The following ZNF148 variants were observed in gnomAD, a reference collection of about 807,000 sequenced individuals.
ZNF148 encodes the protein zinc finger protein 148.
In ZNF148, 7 loss-of-function variants were observed where a neutral mutation model predicts 67.7. The ratio of observed to expected loss-of-function variants is 0.10; its 90% confidence interval spans 0.06 to 0.19. The LOEUF is 0.19. ZNF148 is among the 10% of genes least tolerant of loss of function. The pLI is 1.00. For missense variants in ZNF148, 583 were observed against 947.1 expected, an observed-to-expected ratio of 0.62 and a Z score of 5.05; for synonymous variants, 333 against 330.7, an observed-to-expected ratio of 1.01 and a Z score of -0.08.
At chr3:125,279,007 C>T (rs1938224023) in intron 6 of ZNF148, 117 bp downstream of exon 6, 3 of 1,126,366 alleles carry the variant, frequency 2.7e-6, no homozygotes, top group Non-Finnish European at 3.5e-6. Context: ...TACAAAATCT[C>T]TGATTTGGAA....
intron 1 of ZNF148, among the ~76,000 whole-genome samples, chr3:125,333,082 ATAT>A (rs1355952085): frequency 1.3e-5 from 2 of 152,200 alleles, no homozygotes; most frequent in Non-Finnish European, 2.9e-5. Flanking sequence ...CACAATCAGG[ATAT>A]TATTACACAT....
Position 125,231,928 on chromosome 3 carries a change from T to A in ZNF148, c.*413A>T, listed in dbSNP as rs1024024480. On this transcript the variant is annotated 3_prime_UTR_variant, in exon 9 of 9. Coordinates refer to ENST00000360647, the MANE Select transcript of ZNF148 (RefSeq NM_021964.3). ...TTAAGTTCACTCTGTCTGTAAAGTATACTCAGATTCCCTGCTGAAGTGCAA... is the reference window on the plus strand; with the variant it reads ...TTAAGTTCACTCTGTCTGTAAAGTAAACTCAGATTCCCTGCTGAAGTGCAA... 1 of 162,298 alleles carries A rather than the reference T, an allele frequency of 6.2e-6. No homozygotes were observed. Among genetic ancestry groups the A allele is most frequent in the East Asian group, 1.8e-4 (1 of 5,686 alleles). The allele number at this position is 162,298 out of a possible 1,614,324, so 10.1% of individuals were successfully genotyped here. A position where few individuals can be genotyped will look rare whatever the true frequency, so the allele number is the denominator to read the frequency against.
chr3:125,280,091 A>C (rs1425763820), intron 5 of ZNF148, among the ~76,000 whole-genome samples: 1 of 152,206 alleles, frequency 6.6e-6, no homozygotes, highest in African/African-American at 2.4e-5. Context: ...TAGAACTACT[A>C]AATTATTATT....
intron 1 of ZNF148, chr3:125,338,968 T>C (rs1321912918): frequency 1.3e-5 from 2 of 152,188 alleles, no homozygotes; most frequent in Non-Finnish European, 2.9e-5. Context: ...TTTAATCTGA[T>C]TAGGAAAACT....
chr3:125,298,602 T>G (rs1457445530), intron 4 of ZNF148, among the ~76,000 whole-genome samples: 1 of 151,100 alleles, frequency 6.6e-6, no homozygotes, highest in African/African-American at 2.4e-5. Context: ...AACAAAATAT[T>G]GTACATTTAT....
intron 1 of ZNF148, among the ~76,000 whole-genome samples, chr3:125,359,347 T>C (rs1037371217): frequency 6.6e-6 from 1 of 152,216 alleles, no homozygotes; most frequent in Non-Finnish European, 1.5e-5. Flanking sequence ...ACTACGTATT[T>C]TGTGCCTTGT....
intron 1 of ZNF148, among the ~76,000 whole-genome samples, chr3:125,345,142 T>C (rs6438898): frequency 0.77 from 117,172 of 151,970 alleles, 45,711 homozygotes; most frequent in African/African-American, 0.85. Flanking sequence ...CCATGGAACA[T>C]TCACCAAGGC....
At chr3:125,248,866 T>C (rs1936712947) in intron 7 of ZNF148, among the ~76,000 whole-genome samples, 1 of 152,190 alleles carries the variant, frequency 6.6e-6, no homozygotes, top group Non-Finnish European at 1.5e-5. Flanking sequence ...AAACAAGCAC[T>C]ACAGGTTCCA....
chr3:125,370,682 T>C (rs1334126288), intron 1 of ZNF148, among the ~76,000 whole-genome samples: 1 of 152,110 alleles, frequency 6.6e-6, no homozygotes, highest in Non-Finnish European at 1.5e-5. Context: ...ACATCCACCA[T>C]AGTGATTTGC....
intron 2 of ZNF148, among the ~76,000 whole-genome samples, chr3:125,326,819 T>C (rs986590698): frequency 6.8e-6 from 1 of 146,882 alleles, no homozygotes; most frequent in Non-Finnish European, 1.5e-5. Context: ...TGTAAAGATA[T>C]ATATCTTTTT....
intron 4 of ZNF148, among the ~76,000 whole-genome samples, chr3:125,301,018 C>T (rs1216657056): frequency 2.0e-5 from 3 of 151,978 alleles, no homozygotes; most frequent in Admixed American, 6.5e-5. Context: ...TAATATAGTG[C>T]TATCTAATAA....
At chr3:125,372,402 A>C (rs1942918993) in intron 1 of ZNF148, among the ~76,000 whole-genome samples, 1 of 152,246 alleles carries the variant, frequency 6.6e-6, no homozygotes, top group Admixed American at 6.5e-5. Context: ...ACTGAATAAA[A>C]TAACTAAAAT....
intron 5 of ZNF148, among the ~76,000 whole-genome samples, chr3:125,286,257 G>A (rs1938651505): frequency 6.6e-6 from 1 of 152,116 alleles, no homozygotes; most frequent in Non-Finnish European, 1.5e-5. Flanking sequence ...GAAGTGGAGG[G>A]AGAGGGAAGA....
In ZNF148 at chr3:125,329,360, A is replaced by AT. The variant is rs35838836; in HGVS notation, c.-153+1797dup. ...ATATATAAAATTTTACATATATAAA[A>AT]TTTTTTTTTTTTTTTTTTAAAGACA... On this transcript the variant is annotated intron_variant, in intron 2 of 8. Transcript: ENST00000360647. Among the ~76,000 whole-genome samples the AT allele has an allele frequency of 9.8e-4, 91 of 92,900 alleles. 2 individuals carry two copies. The highest frequency in any genetic ancestry group is 2.7e-3 in the East Asian group (6 of 2,246). The allele number at this position is 92,900 out of a possible 152,430, so 60.9% of individuals were successfully genotyped here. A position where few individuals can be genotyped will look rare whatever the true frequency, so the allele number is the denominator to read the frequency against.
chr3:125,276,661 C>T (rs1008884457), intron 7 of ZNF148, among the ~76,000 whole-genome samples: 2 of 151,890 alleles, frequency 1.3e-5, no homozygotes, highest in Non-Finnish European at 2.9e-5. Flanking sequence ...ATCGAACTCC[C>T]GACCTCAAGT....
chr3:125,327,656 C>A (rs957480643), intron 2 of ZNF148, among the ~76,000 whole-genome samples: 2 of 152,040 alleles, frequency 1.3e-5, no homozygotes, highest in Non-Finnish European at 2.9e-5. Flanking sequence ...CCCTGTCTTA[C>A]AAACAAATAC....
intron 4 of ZNF148, among the ~76,000 whole-genome samples, chr3:125,293,779 A>C (rs905248687): frequency 1.3e-5 from 2 of 152,194 alleles, no homozygotes; most frequent in Non-Finnish European, 2.9e-5. Flanking sequence ...ATCAATATAG[A>C]AGGAATGCGG....
intron 2 of ZNF148, among the ~76,000 whole-genome samples, chr3:125,329,840 G>T (rs1232086244): frequency 6.6e-6 from 1 of 152,072 alleles, no homozygotes; most frequent in Non-Finnish European, 1.5e-5. Context: ...CAAAAATGTG[G>T]AAGTTTATTT....
intron 7 of ZNF148, among the ~76,000 whole-genome samples, chr3:125,272,093 C>T (rs1001076372): frequency 6.6e-6 from 1 of 152,194 alleles, no homozygotes; most frequent in African/African-American, 2.4e-5. Context: ...GACTCCCATG[C>T]AACACATGGA....
Sources: gnomAD v4.1 joint callset for allele counts (sites outside exome capture counted in the v4.1 genomes callset) on GRCh38, gnomAD v4.1.1 for gene constraint, MANE v1.5 for transcripts, NCBI Gene and HGNC (gene_info 2026-07-23, HGNC 2026-07-21) for gene names.